Variants in STAT3 observed in about 807,000 individuals in gnomAD.
STAT3 encodes the protein signal transducer and activator of transcription 3.
Under a neutral mutation model 114.3 loss-of-function variants are expected in STAT3, and 7 were observed. The ratio of observed to expected loss-of-function variants is 0.06; its 90% CI spans 0.03 to 0.11. The LOEUF is 0.11. Among genes scored for constraint, STAT3 ranks in the 10% least tolerant of loss-of-function variants. STAT3 has a pLI of 1.00. For missense variants in STAT3, 364 were observed against 960.9 expected (o/e 0.38, Z 8.21); for synonymous variants, 331 against 354.5 (o/e 0.93, Z 0.74).
chr17:42,369,726 C>T (rs1416942484), intron 1 of STAT3, among the ~76,000 whole-genome samples: 1 of 152,152 alleles, frequency 6.6e-6, no homozygotes, highest in African/African-American at 2.4e-5. Flanking sequence ...TCATAGCTCA[C>T]TATAACCTCG....
intron 1 of STAT3, among the ~76,000 whole-genome samples, chr17:42,359,855 T>G (rs1019164436): frequency 1.3e-5 from 2 of 151,498 alleles, no homozygotes; most frequent in African/African-American, 4.9e-5. Context: ...GGACAGGAGA[T>G]CGAGACCATC....
chr17:42,346,792 A>AG, intron 2 of STAT3, 79 bp from the exon 3 acceptor site: 1 of 1,607,098 alleles, frequency 6.2e-7, no homozygotes, highest in Non-Finnish European at 8.5e-7. Context: ...ATCAAGAAAG[A>AG]GGAAAAAAAC....
At chr17:42,319,936 C>T (rs2081402681) in intron 21 of STAT3, among the ~76,000 whole-genome samples, 1 of 152,156 alleles carries the variant, frequency 6.6e-6, no homozygotes, top group Non-Finnish European at 1.5e-5. Flanking sequence ...CTGATGAGTG[C>T]CTGGCCCCTG....
At position 42,315,491 on chromosome 17, in the gene STAT3, C is replaced by T. The variant is rs1806451153; in HGVS notation, c.*254G>A. Reference sequence around the variant, plus strand: ...TTCTCCCTCTAGCCACCCCCCGCCACATCCCCTGATCATGGGTCTCAGAGA... The same window carrying T: ...TTCTCCCTCTAGCCACCCCCCGCCATATCCCCTGATCATGGGTCTCAGAGA... On this transcript the variant is annotated 3_prime_UTR_variant, in exon 24 of 24. Transcript: ENST00000264657. 3 of 594,306 alleles carry T rather than the reference C, an allele frequency of 5.0e-6. No homozygotes were observed. The highest frequency in any genetic ancestry group is 9.0e-6 in the Non-Finnish European group (3 of 333,342). 36.8% of individuals were successfully genotyped at this position (594,306 alleles called of 1,614,324 possible). A position where few individuals can be genotyped will look rare whatever the true frequency, so the allele number is the denominator to read the frequency against.
At chr17:42,334,927 A>G (rs888869217) in intron 8 of STAT3, among the ~76,000 whole-genome samples, 7 of 152,126 alleles carry the variant, frequency 4.6e-5, no homozygotes, top group African/African-American at 1.7e-4. Flanking sequence ...GGAATTTAGC[A>G]CTTACTTTAC....
intron 1 of STAT3, chr17:42,387,753 G>T (rs1264941453): frequency 1.3e-5 from 2 of 152,712 alleles, no homozygotes; most frequent in African/African-American, 2.4e-5. Context: ...CAGCCAGCCC[G>T]TAAGGCTGCA....
intron 3 of STAT3, among the ~76,000 whole-genome samples, 160 bp from the exon 4 acceptor site, chr17:42,345,817 C>CG (rs1567729182): frequency 2.0e-5 from 3 of 150,394 alleles, no homozygotes; most frequent in African/African-American, 4.9e-5. Flanking sequence ...TCTCTGTCGG[C>CG]GGGGGGCGAA....
At chr17:42,315,969 G>A in intron 23 of STAT3, 169 bp from the exon 24 acceptor site, 3 of 1,499,088 alleles carry the variant, frequency 2.0e-6, no homozygotes, top group Non-Finnish European at 2.7e-6. Context: ...CCTCCCTGGA[G>A]GACCCTGCCT....
chr17:42,350,062 A>C (rs1297011124), intron 1 of STAT3, among the ~76,000 whole-genome samples: 1 of 152,182 alleles, frequency 6.6e-6, no homozygotes, highest in Non-Finnish European at 1.5e-5. Context: ...TCTCCAAAAA[A>C]AAAAAAAGAG....
At chr17:42,320,947 TTGTGTGTGTGTG>T (rs112139000) in intron 21 of STAT3, among the ~76,000 whole-genome samples, 1 of 147,018 alleles carries the variant, frequency 6.8e-6, no homozygotes, top group South Asian at 2.2e-4. Flanking sequence ...TTTCTCTTCT[TTGTGTGTGTGTG>T]TGTGTGTGTG....
At position 42,324,921 on chromosome 17, in the gene STAT3, C is replaced by A. The variant is rs1433114364; in HGVS notation, c.1464+42G>T. On this transcript the variant is annotated intron_variant, in intron 16 of 23. Coordinates refer to ENST00000264657, the MANE Select transcript of STAT3 (RefSeq NM_139276.3). This position sits in a 1 kb window ranked among gnomAD's most constrained non-coding sequence, Gnocchi z 4.5. ...GTCTATACTAGGTACCCCTAAGTCG[C>A]AAGAGATCCCGGGGCACCAACTAAA... 1 of 1,614,142 alleles carries A rather than the reference C, an allele frequency of 6.2e-7. No individual in the cohort carries two copies. Among genetic ancestry groups the A allele is most frequent in the Non-Finnish European group, 8.5e-7 (1 of 1,180,012 alleles).
rs1163081576 is a variant in STAT3, at chr17:42,313,836, C to T, written c.*1909G>A. 4.3e-6 allele frequency: 1 copy of T among 232,874 alleles called. No homozygotes were observed. Among genetic ancestry groups the T allele is most frequent in the Non-Finnish European group, 8.5e-6 (1 of 117,560 alleles). The allele number at this position is 232,874 out of a possible 1,614,324, so 14.4% of individuals were successfully genotyped here. ...GAGTGTTGCTGGAGAAGTAAGAGCT[C>T]TGCATGACACATCAACTGTCTCCAG... On this transcript the variant is annotated 3_prime_UTR_variant, in exon 24 of 24. Transcript: ENST00000264657.
At position 42,337,755 on chromosome 17, in the gene STAT3, G is replaced by C. The variant is rs760976357; in HGVS notation, c.645+8C>G. 1.2e-6 allele frequency: 2 copies of C among 1,614,052 alleles called. No homozygotes were observed. Among genetic ancestry groups the C allele is most frequent in the East Asian group, 4.5e-5 (2 of 44,902 alleles). On this transcript the variant is annotated splice_region_variant and intron_variant, in intron 7 of 23. Coordinates refer to ENST00000264657, the MANE Select transcript of STAT3 (RefSeq NM_139276.3). The surrounding 1 kb of genome is among the most constrained non-coding windows in gnomAD (Gnocchi z 4.0). Reference sequence around the variant, plus strand: ...ACATGGGGGAAGTGGTCCGACCTATGCCCTTACTCTCCGCATCTGGTCCAG... The same window carrying C: ...ACATGGGGGAAGTGGTCCGACCTATCCCCTTACTCTCCGCATCTGGTCCAG...
At chr17:42,328,042 A>AAAAAAG (rs1555565215) in intron 14 of STAT3, among the ~76,000 whole-genome samples, 62 of 148,860 alleles carry the variant, frequency 4.2e-4, no homozygotes, top group African/African-American at 1.1e-3. Context: ...GACTCAAAAA[A>AAAAAAG]AAAAAAGAAA....
chr17:42,386,320 A>G (rs940478152), intron 1 of STAT3, among the ~76,000 whole-genome samples: 1 of 151,786 alleles, frequency 6.6e-6, no homozygotes, highest in Non-Finnish European at 1.5e-5. Flanking sequence ...TACTTTTCAC[A>G]AAATATACAG....
chr17:42,376,302 G>C (rs1324959534), intron 1 of STAT3, among the ~76,000 whole-genome samples: 1 of 152,182 alleles, frequency 6.6e-6, no homozygotes, highest in Non-Finnish European at 1.5e-5. Context: ...GTAAAAATCA[G>C]AATTTGAGAA....
intron 1 of STAT3, among the ~76,000 whole-genome samples, chr17:42,356,534 TA>T (rs1240456514): frequency 1.6e-5 from 2 of 123,446 alleles, no homozygotes; most frequent in African/African-American, 6.9e-5. Flanking sequence ...TATATATATA[TA>T]TATATTTTTT....
chr17:42,337,967 G>C lies in STAT3; in HGVS notation c.551-110C>G. ...GACCTGAGGGAATACTCCTGGACCT[G>C]AGGGAATACTCCTGGACCTGAGGGA... On this transcript the variant is annotated intron_variant, in intron 6 of 23. Coordinates refer to ENST00000264657, the MANE Select transcript of STAT3 (RefSeq NM_139276.3). This position sits in a 1 kb window ranked among gnomAD's most constrained non-coding sequence, Gnocchi z 4.0. The C allele has an allele frequency of 1.9e-6, 1 of 525,250 alleles. No homozygotes were observed. Among genetic ancestry groups the C allele is most frequent in the Non-Finnish European group, 3.3e-6 (1 of 303,312 alleles). 32.5% of individuals were successfully genotyped at this position (525,250 alleles called of 1,614,324 possible).
At chr17:42,387,458 A>C (rs2085167717) in intron 1 of STAT3, 1 of 152,192 alleles carries the variant, frequency 6.6e-6, no homozygotes, top group South Asian at 2.1e-4. Flanking sequence ...CAATTAAGCA[A>C]CACCACAATC....
Sources: gnomAD v4.1 joint callset for allele counts (sites outside exome capture counted in the v4.1 genomes callset) on GRCh38, gnomAD v4.1.1 for gene constraint, Gnocchi (gnomAD v3.1) non-coding constraint, MANE v1.5 for transcripts, NCBI Gene and HGNC (gene_info 2026-07-23, HGNC 2026-07-21) for gene names.